Variants in TMEM132D observed in about 807,000 individuals in gnomAD.
TMEM132D encodes the protein transmembrane protein 132D.
A neutral mutation model predicts 62.3 loss-of-function variants in TMEM132D; 21 were observed. The observed-to-expected ratio is 0.34, with a 90% CI of 0.24 to 0.49. TMEM132D has a LOEUF of 0.49. Ranked by LOEUF, TMEM132D falls within the 20% of genes least tolerant of loss-of-function variation. The probability of loss-of-function intolerance (pLI) is 0.99; values close to 1 mark genes in which losing one functional copy is unlikely to be tolerated. For missense variants in TMEM132D, 1,346 were observed against 1,402.8 expected (o/e 0.96, Z 0.65); for synonymous variants, 621 against 575.6 (o/e 1.08, Z -1.13).
intron 2 of TMEM132D, among the ~76,000 whole-genome samples, chr12:129,566,532 C>A (rs1420150683): frequency 6.6e-6 from 1 of 152,116 alleles, no homozygotes; most frequent in Non-Finnish European, 1.5e-5. Flanking sequence ...GTAAGACTGA[C>A]AAAACAGACT....
At chr12:129,393,138 G>A (rs770915368) in intron 3 of TMEM132D, among the ~76,000 whole-genome samples, 10 of 152,222 alleles carry the variant, frequency 6.6e-5, no homozygotes, top group Non-Finnish European at 1.5e-4. Context: ...ACCACACTCT[G>A]TAGGCCAGTC....
At chr12:129,473,399 G>A (rs767412025) in intron 3 of TMEM132D, among the ~76,000 whole-genome samples, 2 of 123,648 alleles carry the variant, frequency 1.6e-5, no homozygotes, top group South Asian at 2.6e-4. Flanking sequence ...GCATGATCTC[G>A]GCTCACTGCA....
chr12:129,710,875 C>T (rs1318590043), intron 1 of TMEM132D, among the ~76,000 whole-genome samples: 1 of 147,836 alleles, frequency 6.8e-6, no homozygotes, highest in Admixed American at 6.6e-5. Flanking sequence ...CCCATACCCA[C>T]GCGCATTCCC....
rs370584978 is a variant in TMEM132D at position 129,673,463 on chromosome 12, A to G, written c.968+26347T>C. Among the ~76,000 whole-genome samples, 7 of 152,344 alleles carry G rather than the reference A, an allele frequency of 4.6e-5. No individual in the cohort carries two copies. The East Asian group carries it at 5.8e-4, about 13-fold the overall frequency. ...AAAAACTTTTTACATTTTGAGAAAAATAACTGTTGTACATCAGCCATGTAC... is the reference window on the plus strand; with the variant it reads ...AAAAACTTTTTACATTTTGAGAAAAGTAACTGTTGTACATCAGCCATGTAC... On this transcript the variant is annotated intron_variant, in intron 2 of 8. Transcript: ENST00000422113.
chr12:129,605,779 A>G (rs1178820839), intron 2 of TMEM132D, among the ~76,000 whole-genome samples: 1 of 151,888 alleles, frequency 6.6e-6, no homozygotes, highest in Non-Finnish European at 1.5e-5. Context: ...TTTCTCATAC[A>G]TCATTTTTTT....
At chr12:129,812,845 C>T (rs1872227554) in intron 1 of TMEM132D, among the ~76,000 whole-genome samples, 1 of 151,752 alleles carries the variant, frequency 6.6e-6, no homozygotes, top group Non-Finnish European at 1.5e-5. Context: ...TTCTTTCACT[C>T]TTAAAACCAT....
chr12:129,504,379 C>T (rs1875266978), intron 3 of TMEM132D, among the ~76,000 whole-genome samples: 1 of 152,160 alleles, frequency 6.6e-6, no homozygotes, highest in African/African-American at 2.4e-5. Context: ...TGGTCCTGAA[C>T]TATTTTCTTG....
At chr12:129,171,956 C>T (rs1289329619) in intron 5 of TMEM132D, among the ~76,000 whole-genome samples, 1 of 152,204 alleles carries the variant, frequency 6.6e-6, no homozygotes, top group African/African-American at 2.4e-5. Context: ...ACAAGACAGT[C>T]AGCCTGTCCT....
At chr12:129,239,773 C>T (rs947909306) in intron 4 of TMEM132D, among the ~76,000 whole-genome samples, 33 of 152,166 alleles carry the variant, frequency 2.2e-4, no homozygotes, top group Admixed American at 2.2e-3. Context: ...GGAGACAGAG[C>T]ATGGTTCTGC....
At chr12:129,237,128 A>G (rs541527258) in intron 4 of TMEM132D, among the ~76,000 whole-genome samples, 2 of 152,294 alleles carry the variant, frequency 1.3e-5, no homozygotes, top group East Asian at 3.9e-4. Flanking sequence ...ACAGTTTGCT[A>G]GTATTTTCTT....
intron 4 of TMEM132D, among the ~76,000 whole-genome samples, chr12:129,261,666 T>C (rs1036408440): frequency 1.3e-5 from 2 of 152,186 alleles, no homozygotes; most frequent in Non-Finnish European, 1.5e-5. Flanking sequence ...TCAGTGTTTC[T>C]TTCCTGTGAG....
chr12:129,537,158 TAAAAA>T (rs10635477), intron 2 of TMEM132D, among the ~76,000 whole-genome samples: 22 of 114,356 alleles, frequency 1.9e-4, no homozygotes, highest in African/African-American at 7.4e-4. Flanking sequence ...AAACTCTGTC[TAAAAA>T]AAAAAAAAAA....
At chr12:129,753,735 A>G (rs976420549) in intron 1 of TMEM132D, among the ~76,000 whole-genome samples, 2 of 152,238 alleles carry the variant, frequency 1.3e-5, no homozygotes, top group South Asian at 4.1e-4. Context: ...CGTGTTTCCT[A>G]TTATGCAAGA....
At chr12:129,166,760 CACATATATATATATACATATATATAT>C (rs1233618711) in intron 5 of TMEM132D, among the ~76,000 whole-genome samples, 6 of 145,090 alleles carry the variant, frequency 4.1e-5, no homozygotes, top group Admixed American at 6.9e-5. Context: ...CATACACACA[CACATATATATATATACATATATATAT>C]ATATATATAT....
chr12:129,249,076 G>A (rs886782111), intron 4 of TMEM132D, among the ~76,000 whole-genome samples: 3 of 152,172 alleles, frequency 2.0e-5, no homozygotes, highest in African/African-American at 7.2e-5. Flanking sequence ...TTCAGGTGAT[G>A]TCGGTGATCA....
At chr12:129,464,014 G>A (rs967521413) in intron 3 of TMEM132D, among the ~76,000 whole-genome samples, 3 of 150,344 alleles carry the variant, frequency 2.0e-5, no homozygotes, top group African/African-American at 4.9e-5. Flanking sequence ...TGGGTCAAAC[G>A]GTATTTCTAG....
At chr12:129,387,455 T>C (rs535699208) in intron 3 of TMEM132D, among the ~76,000 whole-genome samples, 3 of 122,096 alleles carry the variant, frequency 2.5e-5, no homozygotes, top group East Asian at 4.4e-4. Context: ...ACACTAACAG[T>C]AATACTATGT....
chr12:129,269,568 G>A (rs1279181787), intron 4 of TMEM132D, among the ~76,000 whole-genome samples: 1 of 152,188 alleles, frequency 6.6e-6, no homozygotes, highest in Non-Finnish European at 1.5e-5. Context: ...TTTGTGAGAT[G>A]TGAGGTACGT....
chr12:129,338,228 A>C (rs1336495079), intron 3 of TMEM132D, among the ~76,000 whole-genome samples: 1 of 152,186 alleles, frequency 6.6e-6, no homozygotes, highest in Non-Finnish European at 1.5e-5. Context: ...AGCCAGATTG[A>C]GTTGGTTGCA....
Sources: allele counts gnomAD v4.1 joint callset (sites outside exome capture counted in the v4.1 genomes callset), GRCh38; gene constraint gnomAD v4.1.1; transcripts MANE v1.5; gene names NCBI Gene and HGNC (gene_info 2026-07-23, HGNC 2026-07-21).